SLMAP: variants seen among roughly 807,000 people sequenced by gnomAD.
SLMAP encodes the protein sarcolemmal membrane-associated protein.
Under a neutral mutation model 128.8 loss-of-function variants are expected in SLMAP, and 44 were observed. The observed-to-expected ratio is 0.34, with a 90% CI of 0.27 to 0.44. The LOEUF (loss-of-function observed/expected upper bound fraction) is 0.44, where lower values mean the gene tolerates loss of function less well. Among genes scored for constraint, SLMAP ranks in the 20% least tolerant of loss-of-function variants. SLMAP has a pLI of 1.00. For missense variants in SLMAP, 787 were observed against 985.3 expected (o/e 0.80, Z 2.69); for synonymous variants, 327 against 348.8 (o/e 0.94, Z 0.70).
chr3:57,851,724 A>ACTCCTTAAAC (rs2094510787), intron 6 of SLMAP, among the ~76,000 whole-genome samples: 1 of 151,960 alleles, frequency 6.6e-6, no homozygotes, highest in Non-Finnish European at 1.5e-5. Flanking sequence ...ACCTCAAGTG[A>ACTCCTTAAAC]TCCATCCACC....
At chr3:57,870,267 A>G (rs986181891) in intron 13 of SLMAP, among the ~76,000 whole-genome samples, 2 of 152,140 alleles carry the variant, frequency 1.3e-5, no homozygotes, top group Admixed American at 1.3e-4. Context: ...ATGAAAAACA[A>G]CTTTTTATCC....
intron 2 of SLMAP, among the ~76,000 whole-genome samples, chr3:57,787,925 G>A (rs1165688221): frequency 6.6e-6 from 1 of 152,218 alleles, no homozygotes; most frequent in Non-Finnish European, 1.5e-5. Context: ...ATTGCCAAGA[G>A]AGGTACTAGT....
rs80096887 is a variant in SLMAP, at chr3:57,921,820, C to T, written c.2311-1069C>T. On this transcript the variant is annotated intron_variant, in intron 22 of 24. Coordinates refer to ENST00000671191, the MANE Select transcript of SLMAP (RefSeq NM_001377540.1). ...TCCCGGGTTCAAGCGATTCTCCTGC[C>T]GCAGCCTCCCAAGTAGCTGGGATTA... is the stretch of plus-strand genomic sequence containing the variant. Among the ~76,000 whole-genome samples, 1,694 of 152,042 alleles carry T rather than the reference C, an allele frequency of 0.011. 65 individuals are homozygous for T. In the East Asian group the frequency reaches 0.12, roughly 11 times the overall value.
intron 19 of SLMAP, among the ~76,000 whole-genome samples, chr3:57,911,930 A>G (rs2096710574): frequency 6.7e-6 from 1 of 150,234 alleles, no homozygotes; most frequent in South Asian, 2.1e-4. Flanking sequence ...CCCTAAAAAA[A>G]AAAAAAAAAA....
At chr3:57,865,005 A>G in intron 12 of SLMAP, 148 bp downstream of exon 12, 1 of 708,676 alleles carries the variant, frequency 1.4e-6, no homozygotes, top group East Asian at 2.9e-5. Flanking sequence ...TTCTTTAAAA[A>G]TATGCTTGAT....
chr3:57,912,511 G>T lies in SLMAP; in HGVS notation c.1830G>T (p.Lys610Asn). 1.2e-6 allele frequency: 2 copies of T among 1,614,176 alleles called. No individual in the cohort carries two copies. Among genetic ancestry groups the T allele is most frequent in the Admixed American group, 3.3e-5 (2 of 60,016 alleles). ...TGCTCCTTCATCAAGCAGCAGCAAA[G>T]GTTGCCTCTGAGCGGGACACTGACA... ...EILLLHQAAAKVASERDTDIA... is the reference protein window; with the variant it reads ...EILLLHQAAANVASERDTDIA... The change falls in exon 20 of 25, where the codon AAG becomes AAT. Residue 610 changes from lysine to asparagine, a missense_variant. Physicochemically the swap from Lys to Asn is moderately conservative, Grantham distance 94. Transcript: ENST00000671191.
chr3:57,875,367 T>G (rs551499496), intron 14 of SLMAP, among the ~76,000 whole-genome samples: 1 of 151,854 alleles, frequency 6.6e-6, no homozygotes, highest in Non-Finnish European at 1.5e-5. Flanking sequence ...TACAAAAAAT[T>G]AGCTGGCCAT....
At chr3:57,897,128 G>A in intron 17 of SLMAP, 196 bp downstream of exon 17, 1 of 1,341,380 alleles carries the variant, frequency 7.5e-7, no homozygotes, top group Middle Eastern at 2.8e-4. Flanking sequence ...GAATAATTTG[G>A]ATCAGTCAAG....
At chr3:57,870,831 G>C (rs2095464547) in intron 13 of SLMAP, among the ~76,000 whole-genome samples, 1 of 152,158 alleles carries the variant, frequency 6.6e-6, no homozygotes, top group African/African-American at 2.4e-5. Flanking sequence ...TTCCAAAATA[G>C]ATTTGGTCAT....
rs746769576 is a variant in SLMAP at position 57,797,649 on chromosome 3, A to G, written c.199-33734A>G. Reference sequence around the variant, plus strand: ...TTCTTCTGATTTCAATAAGTATTTTATACTTGGAAAAACAAAATAAATTAT... The same window carrying G: ...TTCTTCTGATTTCAATAAGTATTTTGTACTTGGAAAAACAAAATAAATTAT... On this transcript the variant is annotated intron_variant, in intron 2 of 24. Transcript: ENST00000671191. Among the ~76,000 whole-genome samples the G allele has an allele frequency of 2.6e-5, 4 of 152,208 alleles. No individual in the cohort carries two copies. The East Asian group carries it at 5.8e-4, about 22-fold the overall frequency.
intron 2 of SLMAP, among the ~76,000 whole-genome samples, chr3:57,766,143 C>T (rs1164595354): frequency 5.5e-5 from 8 of 145,890 alleles, no homozygotes; most frequent in Admixed American, 1.4e-4. Context: ...GGACTACAGG[C>T]GCCTACCACC....
At chr3:57,893,892 C>T (rs1031272316) in intron 15 of SLMAP, among the ~76,000 whole-genome samples, 8 of 152,092 alleles carry the variant, frequency 5.3e-5, no homozygotes, top group African/African-American at 1.7e-4. Context: ...TCTAAGTTCC[C>T]CGTCACTAAG....
At chr3:57,808,828 C>T (rs926670920) in intron 2 of SLMAP, among the ~76,000 whole-genome samples, 3 of 152,274 alleles carry the variant, frequency 2.0e-5, no homozygotes, top group East Asian at 3.9e-4. Context: ...TTTTCTGTCT[C>T]GTTGATCTAA....
At chr3:57,825,197 T>A (rs1473776988) in intron 2 of SLMAP, among the ~76,000 whole-genome samples, 5 of 152,096 alleles carry the variant, frequency 3.3e-5, no homozygotes, top group Admixed American at 6.5e-5. Context: ...ATAAACATAG[T>A]TTACTTCGTC....
At chr3:57,885,132 GCA>G (rs1189114033) in intron 14 of SLMAP, among the ~76,000 whole-genome samples, 2 of 151,504 alleles carry the variant, frequency 1.3e-5, no homozygotes, top group Non-Finnish European at 2.9e-5. Flanking sequence ...GAGTGCAATG[GCA>G]CAGTCTCGGC....
intron 2 of SLMAP, among the ~76,000 whole-genome samples, chr3:57,765,167 A>G (rs2079435087): frequency 6.6e-6 from 1 of 152,148 alleles, no homozygotes; most frequent in South Asian, 2.1e-4. Flanking sequence ...TAGTATGCCA[A>G]AATTGCACCT....
chr3:57,831,549 T>A lies in SLMAP; in HGVS notation c.346+19T>A. ...CGGAAAGGTACGGGTATGGATCACT[T>A]TTTTTATTACTTGTCTTTTAAAGGT... is the stretch of plus-strand genomic sequence containing the variant. On this transcript the variant is annotated intron_variant, in intron 3 of 24. Transcript: ENST00000671191. The A allele has an allele frequency of 6.9e-7, 1 of 1,439,646 alleles. No homozygotes were observed. Among genetic ancestry groups the A allele is most frequent in the Non-Finnish European group, 9.2e-7 (1 of 1,084,184 alleles). 89.2% of individuals were successfully genotyped at this position (1,439,646 alleles called of 1,614,324 possible).
At chr3:57,893,157 TA>T (rs985684623) in intron 15 of SLMAP, among the ~76,000 whole-genome samples, 2 of 150,710 alleles carry the variant, frequency 1.3e-5, no homozygotes, top group Non-Finnish European at 3.0e-5. Flanking sequence ...AATCATCCTT[TA>T]AAAAAAAATA....
intron 2 of SLMAP, among the ~76,000 whole-genome samples, chr3:57,811,514 GC>G (rs777698427): frequency 2.2e-4 from 33 of 152,144 alleles, no homozygotes; most frequent in Non-Finnish European, 4.0e-4. Context: ...CACTTGGGTT[GC>G]TTTTACATTT....
Sources: gnomAD v4.1 joint callset for allele counts (sites outside exome capture counted in the v4.1 genomes callset) on GRCh38, gnomAD v4.1.1 for gene constraint, MANE v1.5 for transcripts, NCBI Gene and HGNC (gene_info 2026-07-23, HGNC 2026-07-21) for gene names.